MYBPC2: variants seen among roughly 807,000 people sequenced by gnomAD.
MYBPC2 encodes the protein myosin binding protein C2.
In MYBPC2, 122 loss-of-function variants were observed where a neutral mutation model predicts 137.0. The observed-to-expected ratio is 0.89, with a 90% CI of 0.77 to 1.03. MYBPC2 has a LOEUF of 1.03. Ranked by LOEUF, MYBPC2 falls within the 50% of genes least tolerant of loss-of-function variation. The pLI is 0.00. For synonymous variants in MYBPC2, 626 were observed against 612.3 expected (o/e 1.02, Z -0.33); for missense variants, 1,500 against 1,534.4 (o/e 0.98, Z 0.37).
Position 50,464,379 on chromosome 19 carries a change from A to C in MYBPC2, c.3262A>C (p.Ile1088Leu), listed in dbSNP as rs760417770. Residue 1088 changes from isoleucine (I) to leucine (L), a missense_variant, in exon 27 of 28, where the codon ATC (isoleucine) becomes CTC (leucine). Ile to Leu is a conservative substitution (Grantham distance 5, BLOSUM62 2). Coordinates refer to ENST00000357701, the MANE Select transcript of MYBPC2 (RefSeq NM_004533.4). ...GGTCTGGATGAAGAACAAGATGGAA[A>C]TCCGTGAAGATCCCAAGTTCCTGAT... ...KVVWMKNKMEIREDPKFLITN... is the reference protein window; with the variant it reads ...KVVWMKNKMELREDPKFLITN... 1 of 1,610,216 alleles carries C rather than the reference A, an allele frequency of 6.2e-7. No homozygotes were observed. Among genetic ancestry groups the C allele is most frequent in the Non-Finnish European group, 8.5e-7 (1 of 1,178,392 alleles).
chr19:50,462,791 C>T (rs1306113556), intron 26 of MYBPC2, among the ~76,000 whole-genome samples: 2 of 152,028 alleles, frequency 1.3e-5, no homozygotes, highest in Non-Finnish European at 2.9e-5. Flanking sequence ...TCAGGTGATC[C>T]GCCTGCCTCA....
chr19:50,461,294 G>A (rs886290120), intron 24 of MYBPC2, among the ~76,000 whole-genome samples: 2 of 152,002 alleles, frequency 1.3e-5, no homozygotes, highest in South Asian at 2.1e-4. Flanking sequence ...CATGAGCCAC[G>A]GTGCCTGACC....
rs542416443 is a variant in MYBPC2 at position 50,466,294 on chromosome 19, C to T, written c.*89C>T. The T allele has an allele frequency of 4.9e-5, 77 of 1,570,322 alleles. No homozygotes were observed. Among genetic ancestry groups the T allele is most frequent in the Middle Eastern group, 1.7e-4 (1 of 5,994 alleles). ...AGGACTGTGTTCTTTCTGGAGTTTTCGCTGAGAACAAAACAGTGTTGTCTG... is the reference window on the plus strand; with the variant it reads ...AGGACTGTGTTCTTTCTGGAGTTTTTGCTGAGAACAAAACAGTGTTGTCTG... On this transcript the variant is annotated 3_prime_UTR_variant, in exon 28 of 28. Transcript: ENST00000357701. The surrounding 1 kb of genome is among the most constrained non-coding windows in gnomAD (Gnocchi z 4.9).
chr19:50,434,167 G>C (rs971053949), intron 1 of MYBPC2, among the ~76,000 whole-genome samples: 9 of 152,192 alleles, frequency 5.9e-5, no homozygotes, highest in African/African-American at 2.2e-4. Flanking sequence ...AGGCCAGCCT[G>C]GCCAACATGG....
chr19:50,459,465 G>A (rs1601296910), intron 23 of MYBPC2, among the ~76,000 whole-genome samples, 159 bp downstream of exon 23: 1 of 35,268 alleles, frequency 2.8e-5, no homozygotes, highest in Admixed American at 2.8e-4. Context: ...GATGGGGGGT[G>A]GGAGAGGAGG....
At position 50,435,773 on chromosome 19, in the gene MYBPC2, C is replaced by G; in HGVS notation, c.110-3C>G. The G allele has an allele frequency of 6.2e-7, 1 of 1,606,836 alleles. No individual in the cohort carries two copies. Among genetic ancestry groups the G allele is most frequent in the Non-Finnish European group, 8.5e-7 (1 of 1,175,080 alleles). On this transcript the variant is annotated splice_polypyrimidine_tract_variant and splice_region_variant and intron_variant, in intron 2 of 27. Coordinates refer to ENST00000357701, the MANE Select transcript of MYBPC2 (RefSeq NM_004533.4). The surrounding 1 kb of genome is among the most constrained non-coding windows in gnomAD (Gnocchi z 4.8). ...CCTCATCCTAATCCTGTCCCCTGAA[C>G]AGAAGCCCCACCCGAGGACCAGTCC...
At position 50,466,232 on chromosome 19, in the gene MYBPC2, TTGG is replaced by T. The variant is rs760572232; in HGVS notation, c.*34_*36del. On this transcript the variant is annotated 3_prime_UTR_variant, in exon 28 of 28. Coordinates refer to ENST00000357701, the MANE Select transcript of MYBPC2 (RefSeq NM_004533.4). The surrounding 1 kb of genome is among the most constrained non-coding windows in gnomAD (Gnocchi z 4.9). ...ACCTGTCCCCTACCTGCCAAGACAA[TTGG>T]TGGTGGAGTCCTGACCCCAATCCCC... The T allele has an allele frequency of 1.3e-5, 21 of 1,613,670 alleles. No individual in the cohort carries two copies. The highest frequency in any genetic ancestry group is 6.7e-5 in the Admixed American group (4 of 59,980).
chr19:50,445,903 C>T lies in MYBPC2; in HGVS notation c.1157C>T (p.Thr386Ile). The change falls in exon 12 of 28, where the codon ACT becomes ATT. Residue 386 changes from threonine (T) to isoleucine (I), a missense_variant. Thr to Ile is a moderately conservative substitution (Grantham distance 89). Coordinates refer to ENST00000357701, the MANE Select transcript of MYBPC2 (RefSeq NM_004533.4). Reference sequence around the variant, plus strand: ...AGGATGAAAGATGGTGTGGAACTGACTCGGGAGGATTCCTTCAAGGCCCGG... The same window carrying T: ...AGGATGAAAGATGGTGTGGAACTGATTCGGGAGGATTCCTTCAAGGCCCGG... ...VMWMKDGVELTREDSFKARYR... is the reference protein window; with the variant it reads ...VMWMKDGVELIREDSFKARYR... The T allele has an allele frequency of 8.1e-6, 13 of 1,608,814 alleles. No homozygotes were observed. The highest frequency in any genetic ancestry group is 1.1e-5 in the Non-Finnish European group (13 of 1,177,644).
intron 20 of MYBPC2, 76 bp downstream of exon 20, chr19:50,455,720 G>A: frequency 6.4e-7 from 1 of 1,568,644 alleles, no homozygotes; most frequent in Non-Finnish European, 8.6e-7. Flanking sequence ...CTGAAAATAG[G>A]ACCATGTGGG....
At chr19:50,442,156 C>A (rs1268006007) in intron 8 of MYBPC2, 25 bp from the exon 9 acceptor site, 1 of 1,572,862 alleles carries the variant, frequency 6.4e-7, no homozygotes, top group Admixed American at 1.9e-5. Context: ...ACGCCTCCAT[C>A]CCCTTTGCAT....
chr19:50,457,044 G>A (rs573130606), intron 20 of MYBPC2, among the ~76,000 whole-genome samples: 5 of 152,250 alleles, frequency 3.3e-5, no homozygotes, highest in Admixed American at 6.5e-5. Flanking sequence ...AGACAGATGC[G>A]GGTTCCAACC....
At chr19:50,441,442 G>T (rs2039754446) in intron 8 of MYBPC2, among the ~76,000 whole-genome samples, 1 of 152,110 alleles carries the variant, frequency 6.6e-6, no homozygotes, top group Non-Finnish European at 1.5e-5. Flanking sequence ...TTAAAAGTGG[G>T]TATCAATCTG....
At chr19:50,464,621 G>A (rs937125925) in intron 27 of MYBPC2, 89 bp downstream of exon 27, 8 of 1,391,150 alleles carry the variant, frequency 5.8e-6, no homozygotes, top group Non-Finnish European at 7.6e-6. Flanking sequence ...GCACCGCTGA[G>A]ATCTGGAGAC....
intron 18 of MYBPC2, 58 bp downstream of exon 18, chr19:50,454,427 T>C: frequency 7.5e-7 from 1 of 1,337,266 alleles, no homozygotes; most frequent in Non-Finnish European, 1.0e-6. Flanking sequence ...TCTGTTTTTT[T>C]TTTTTTTTTT....
Position 50,461,490 on chromosome 19 carries a change from C to T in MYBPC2, c.2932-52C>T, listed in dbSNP as rs1008084559. ...CTTTCGTCTGTGTCTTGTGTGTAAT[C>T]GTGTGATCCTGTGGCCCCGACCCGC... On this transcript the variant is annotated intron_variant, in intron 24 of 27. Coordinates refer to ENST00000357701, the MANE Select transcript of MYBPC2 (RefSeq NM_004533.4). 2.5e-5 allele frequency: 39 copies of T among 1,563,466 alleles called. No individual in the cohort carries two copies. The Admixed American group carries it at 3.1e-4, about 13-fold the overall frequency.
At chr19:50,439,466 C>T (rs955331221) in intron 7 of MYBPC2, among the ~76,000 whole-genome samples, 5 of 152,108 alleles carry the variant, frequency 3.3e-5, no homozygotes, top group Non-Finnish European at 5.9e-5. Context: ...CCCTCCCAAG[C>T]TCCATCCATG....
Position 50,435,442 on chromosome 19 carries a change from G to A in MYBPC2, c.109+192G>A, listed in dbSNP as rs543898471. Among the ~76,000 whole-genome samples, 21 of 152,334 alleles carry A rather than the reference G, an allele frequency of 1.4e-4. No individual in the cohort carries two copies. The highest frequency in any genetic ancestry group is 3.9e-4 in the East Asian group (2 of 5,188). On this transcript the variant is annotated intron_variant, in intron 2 of 27. Coordinates refer to ENST00000357701, the MANE Select transcript of MYBPC2 (RefSeq NM_004533.4). The surrounding 1 kb of genome is among the most constrained non-coding windows in gnomAD (Gnocchi z 4.8). Reference sequence around the variant, plus strand: ...ACCCGCAGGCAGAGCCCAGCCCCTCGGCTGGCATCGGCTCCGGTCAGCTGG... The same window carrying A: ...ACCCGCAGGCAGAGCCCAGCCCCTCAGCTGGCATCGGCTCCGGTCAGCTGG...
Position 50,440,919 on chromosome 19 carries a change from T to C in MYBPC2, c.612T>C (p.Asp204=). 1 of 1,613,040 alleles carries C rather than the reference T, an allele frequency of 6.2e-7. No individual in the cohort carries two copies. The highest frequency in any genetic ancestry group is 1.3e-5 in the African/African-American group (1 of 74,890). ...VEEEKKKKKK[D]DDDLGIPPEI... is the part of the protein sequence containing the mutation. Reference sequence around the variant, plus strand: ...AGGAGAAGAAGAAGAAAAAGAAAGATGACGATGACCTAGGCATCCCCCCGG... The same window carrying C: ...AGGAGAAGAAGAAGAAAAAGAAAGACGACGATGACCTAGGCATCCCCCCGG... Residue 204 remains aspartate, a synonymous_variant, in exon 8 of 28, where the codon GAT becomes GAC. Transcript: ENST00000357701.
rs771991619 is a variant in MYBPC2 at position 50,459,317 on chromosome 19, T to C, written c.2791+11T>C. 5 of 1,390,786 alleles carry C rather than the reference T, an allele frequency of 3.6e-6. No individual in the cohort carries two copies. Among genetic ancestry groups the C allele is most frequent in the East Asian group, 3.4e-5 (1 of 29,490 alleles). The allele number at this position is 1,390,786 out of a possible 1,614,324, so 86.2% of individuals were successfully genotyped here. ...GCATCCGCGTTGTGGGTGCGCGCGC[T>C]GGGGAGGGCCCCTGGAGGCCGGGAG... On this transcript the variant is annotated intron_variant, in intron 23 of 27. Transcript: ENST00000357701.
Sources: gnomAD v4.1 joint callset for allele counts (sites outside exome capture counted in the v4.1 genomes callset) on GRCh38, gnomAD v4.1.1 for gene constraint, Gnocchi (gnomAD v3.1) non-coding constraint, MANE v1.5 for transcripts, NCBI Gene and HGNC (gene_info 2026-07-23, HGNC 2026-07-21) for gene names.